Variants in PSG9 observed in about 807,000 individuals in gnomAD.
PSG9 encodes the protein pregnancy-specific beta-1-glycoprotein 9.
Under a neutral mutation model 41.9 loss-of-function variants are expected in PSG9, and 49 were observed. The observed-to-expected ratio is 1.17, with a 90% CI of 0.93 to 1.48. The LOEUF (loss-of-function observed/expected upper bound fraction) is 1.48. PSG9 is among the 40% of genes most tolerant of loss of function. The pLI, the probability that PSG9 is intolerant of heterozygous loss-of-function variation, is 0.00. For missense variants in PSG9, 641 were observed against 520.3 expected, an observed-to-expected ratio of 1.23 and a Z score of -2.26; for synonymous variants, 263 against 196.8, an observed-to-expected ratio of 1.34 and a Z score of -2.82.
chr19:43,264,609 C>G (rs370835901), intron 2 of PSG9, among the ~76,000 whole-genome samples: 1 of 152,076 alleles, frequency 6.6e-6, no homozygotes, highest in African/African-American at 2.4e-5. Flanking sequence ...AGGCGCCCAC[C>G]ACCACGCCCG....
chr19:43,259,990 T>A (rs1485053195), intron 3 of PSG9: 3 of 147,026 alleles, frequency 2.0e-5, no homozygotes, highest in Non-Finnish European at 3.0e-5. Flanking sequence ...GGGAATGAAC[T>A]GCTGGAAATC....
At chr19:43,257,107 T>A (rs1411529547) in intron 5 of PSG9, 1 of 147,662 alleles carries the variant, frequency 6.8e-6, no homozygotes, top group Non-Finnish European at 1.5e-5. Flanking sequence ...CACAAAAGGA[T>A]AATTATTATG....
chr19:43,257,034 T>C (rs1968466427), intron 5 of PSG9: 1 of 147,132 alleles, frequency 6.8e-6, no homozygotes, highest in Admixed American at 6.8e-5. Flanking sequence ...AGGAATAAAA[T>C]TCCAATACAT....
chr19:43,265,730 G>A (rs1290256181), intron 2 of PSG9, among the ~76,000 whole-genome samples: 1 of 152,072 alleles, frequency 6.6e-6, no homozygotes, highest in East Asian at 1.9e-4. Context: ...TGTGCAGGAG[G>A]CCAGAAGAAC....
chr19:43,266,879 C>A (rs1264387316), intron 2 of PSG9, among the ~76,000 whole-genome samples: 1 of 152,112 alleles, frequency 6.6e-6, no homozygotes, highest in African/African-American at 2.4e-5. Flanking sequence ...TCAGTTTTCT[C>A]TCAATCAAAT....
At chr19:43,263,959 C>G (rs557366295) in intron 2 of PSG9, among the ~76,000 whole-genome samples, 22 of 152,132 alleles carry the variant, frequency 1.4e-4, no homozygotes, top group Non-Finnish European at 2.9e-4. Flanking sequence ...ATGGGGAGGA[C>G]TGCAAAACAG....
rs371692441 is a variant in PSG9, at chr19:43,258,345, G to A, written c.1100C>T (p.Thr367Ile). 4.5e-5 allele frequency: 72 copies of A among 1,592,820 alleles called. 8 individuals are homozygous for A. The highest frequency in any genetic ancestry group is 5.7e-5 in the Non-Finnish European group (67 of 1,174,604). The change falls in exon 5 of 6, where the codon ACA becomes ATA. Residue 367 changes from threonine to isoleucine, a missense_variant. By Grantham distance (89) the Thr-to-Ile change is moderately conservative (BLOSUM62 -1). Transcript: ENST00000270077. The part of the protein sequence containing the change: ...ESNPPAEYFW[T>I]INGKFQQSGQ... Reference sequence around the variant, plus strand: ...TGATTGCTGAAACTTCCCATTAATTGTCCAAAAATACTCTGCCGGTGGGTT... The same window carrying A: ...TGATTGCTGAAACTTCCCATTAATTATCCAAAAATACTCTGCCGGTGGGTT...
At chr19:43,257,677 C>T in intron 5 of PSG9, 3 of 1,082,526 alleles carry the variant, frequency 2.8e-6, no homozygotes, top group Non-Finnish European at 3.3e-6. Flanking sequence ...CTAGTCCCAC[C>T]CCAGGTTGAG....
intron 2 of PSG9, among the ~76,000 whole-genome samples, chr19:43,264,489 G>A (rs527660296): frequency 1.4e-4 from 21 of 151,608 alleles, no homozygotes; most frequent in East Asian, 5.8e-4. Context: ...ACAGAGTCTC[G>A]CTCTGTCACC....
chr19:43,266,028 G>C (rs935619917), intron 2 of PSG9, among the ~76,000 whole-genome samples: 1 of 151,814 alleles, frequency 6.6e-6, no homozygotes, highest in Non-Finnish European at 1.5e-5. Context: ...GCCTAGGGGT[G>C]GGGGAAGAAG....
Position 43,264,833 on chromosome 19 carries a change from C to A in PSG9, c.431-2695G>T, listed in dbSNP as rs116809003. Among the ~76,000 whole-genome samples the A allele has an allele frequency of 3.2e-3, 486 of 152,250 alleles. 7 individuals carry two copies. The highest frequency in any genetic ancestry group is 0.011 in the African/African-American group (468 of 41,546). ...AGTGTTAGAACTGAGTGACAAATTC[C>A]AAGCTTGTTATATGCCTGACAGGAA... On this transcript the variant is annotated intron_variant, in intron 2 of 5. Coordinates refer to ENST00000270077, the MANE Select transcript of PSG9 (RefSeq NM_002784.5).
rs2122511222 is a variant in PSG9, at chr19:43,258,369, T to C, written c.1076A>G (p.Asn359Ser). Residue 359 changes from asparagine to serine, a missense_variant, in exon 5 of 6, where the codon AAC becomes AGC. Coordinates refer to ENST00000270077, the MANE Select transcript of PSG9 (RefSeq NM_002784.5). ...NLDLSCFTES[N>S]PPAEYFWTIN... ...TGTCCAAAAATACTCTGCCGGTGGGTTAGATTCCGTGAAGCAGGACAAGTC... is the reference window on the plus strand; with the variant it reads ...TGTCCAAAAATACTCTGCCGGTGGGCTAGATTCCGTGAAGCAGGACAAGTC... The C allele has an allele frequency of 6.3e-7, 1 of 1,592,724 alleles. No individual in the cohort carries two copies. Among genetic ancestry groups the C allele is most frequent in the South Asian group, 1.1e-5 (1 of 89,926 alleles).
intron 2 of PSG9, among the ~76,000 whole-genome samples, chr19:43,264,586 T>C (rs1968879280): frequency 6.6e-6 from 1 of 151,980 alleles, no homozygotes; most frequent in African/African-American, 2.4e-5. Flanking sequence ...GCCTCCCAAG[T>C]AGGTGGGACT....
Position 43,257,582 on chromosome 19 carries a change from C to T in PSG9, c.1243+620G>A, listed in dbSNP as rs571436571. The T allele has an allele frequency of 3.0e-6, 3 of 984,828 alleles. No homozygotes were observed. The South Asian group carries it at 1.4e-4, about 46-fold the overall frequency. 61.0% of individuals were successfully genotyped at this position (984,828 alleles called of 1,614,324 possible). A position where few individuals can be genotyped will look rare whatever the true frequency, so the allele number is the denominator to read the frequency against. On this transcript the variant is annotated intron_variant, in intron 5 of 5. Coordinates refer to ENST00000270077, the MANE Select transcript of PSG9 (RefSeq NM_002784.5). ...CCCTCTCTTCTTATTTCCCTGCAGC[C>T]TGGCCCGGGGGAGGCTTGGCTTCAA...
intron 2 of PSG9, among the ~76,000 whole-genome samples, chr19:43,265,954 G>C (rs1198249238): frequency 6.6e-6 from 1 of 152,090 alleles, no homozygotes; most frequent in Admixed American, 6.5e-5. Context: ...AGGTGGGCCA[G>C]GCCACAGTGT....
At position 43,258,178 on chromosome 19, in the gene PSG9, C is replaced by A. The variant is rs370878917; in HGVS notation, c.1243+24G>T. On this transcript the variant is annotated intron_variant, in intron 5 of 5. Transcript: ENST00000270077. ...ATAGACTCCACATAAAACCCTACTGCCAAGGATGCTGGGATCCACTTACCA... is the reference window on the plus strand; with the variant it reads ...ATAGACTCCACATAAAACCCTACTGACAAGGATGCTGGGATCCACTTACCA... The A allele has an allele frequency of 1.8e-5, 28 of 1,592,322 alleles. 6 individuals carry two copies. The African/African-American group carries it at 4.0e-4, about 23-fold the overall frequency.
At chr19:43,264,517 G>A (rs1968873901) in intron 2 of PSG9, among the ~76,000 whole-genome samples, 1 of 152,072 alleles carries the variant, frequency 6.6e-6, no homozygotes, top group Middle Eastern at 3.4e-3. Flanking sequence ...GAGTGCAGTG[G>A]CATGATCTCA....
Position 43,255,736 on chromosome 19 carries a change from A to G in PSG9, c.1244-2090T>C, listed in dbSNP as rs575521224. 3.4e-4 allele frequency among the ~76,000 whole-genome samples: 50 copies of G among 146,998 alleles called. 6 individuals are homozygous for G. The highest frequency in any genetic ancestry group is 1.3e-3 in the African/African-American group (49 of 38,874). The stretch of plus-strand genomic sequence containing the variant: ...ATGAACAATCTGAAGGGAAATTAAG[A>G]AAAAAATTTCAATTTATATTAACAT... On this transcript the variant is annotated intron_variant, in intron 5 of 5. Coordinates refer to ENST00000270077, the MANE Select transcript of PSG9 (RefSeq NM_002784.5).
rs185522192 is a variant in PSG9, at chr19:43,262,422, C to T, written c.431-284G>A. Among the ~76,000 whole-genome samples the T allele has an allele frequency of 5.4e-3, 819 of 152,244 alleles. 11 individuals are homozygous for T. The highest frequency in any genetic ancestry group is 0.01 in the Admixed American group (159 of 15,288). On this transcript the variant is annotated intron_variant, in intron 2 of 5. Transcript: ENST00000270077. ...GACCAGCAGTCACAGCCCCTGATGC[C>T]TCTTTGAGTCCCTCCGTCTCCAACT...
Sources: allele counts gnomAD v4.1 joint callset (sites outside exome capture counted in the v4.1 genomes callset), GRCh38; gene constraint gnomAD v4.1.1; transcripts MANE v1.5; gene names NCBI Gene and HGNC (gene_info 2026-07-23, HGNC 2026-07-21).